Variants in NKAIN2 observed in about 807,000 individuals in gnomAD.
NKAIN2 encodes the protein sodium/potassium transporting ATPase interacting 2, also known as sodium/potassium-transporting ATPase subunit beta-1-interacting protein 2.
Under a neutral mutation model 32.6 loss-of-function variants are expected in NKAIN2, and 14 were observed. The ratio of observed to expected loss-of-function variants is 0.43; its 90% CI spans 0.28 to 0.67. The LOEUF (loss-of-function observed/expected upper bound fraction) is 0.67. Ranked by LOEUF, NKAIN2 falls within the 30% of genes least tolerant of loss-of-function variation. The probability of loss-of-function intolerance (pLI) is 0.17; values close to 1 mark genes in which losing one functional copy is unlikely to be tolerated. For synonymous variants in NKAIN2, 80 were observed against 87.2 expected, an observed-to-expected ratio of 0.92 and a Z score of 0.46; for missense variants, 198 against 258.3, an observed-to-expected ratio of 0.77 and a Z score of 1.60.
intron 3 of NKAIN2, among the ~76,000 whole-genome samples, chr6:124,387,556 G>A (rs12055404): frequency 0.36 from 54,709 of 151,828 alleles, 10,816 homozygotes; most frequent in South Asian, 0.53. Context: ...AAAATGATCC[G>A]CATGATAACC....
chr6:124,658,078 A>C (rs545729336), intron 3 of NKAIN2, 108 bp from the exon 4 acceptor site: 9 of 855,034 alleles, frequency 1.1e-5, no homozygotes, highest in African/African-American at 1.7e-5. Flanking sequence ...GAAAAAAAAA[A>C]CAAACAAACC....
chr6:124,248,729 G>A (rs1470528416), intron 1 of NKAIN2, among the ~76,000 whole-genome samples: 2 of 152,080 alleles, frequency 1.3e-5, no homozygotes, highest in East Asian at 3.9e-4. Context: ...CAATGCCACT[G>A]GGCATATATA....
chr6:124,422,426 C>G (rs1774797216), intron 3 of NKAIN2, among the ~76,000 whole-genome samples: 1 of 152,126 alleles, frequency 6.6e-6, no homozygotes, highest in Non-Finnish European at 1.5e-5. Context: ...TGCCTGCATG[C>G]CCTAACCATT....
intron 3 of NKAIN2, among the ~76,000 whole-genome samples, chr6:124,361,349 T>C (rs1203033258): frequency 6.6e-6 from 1 of 152,080 alleles, no homozygotes; most frequent in South Asian, 2.1e-4. Flanking sequence ...ATATTACTAT[T>C]TTCAGATATG....
intron 1 of NKAIN2, among the ~76,000 whole-genome samples, chr6:124,073,171 G>C (rs1783537394): frequency 1.3e-5 from 2 of 152,338 alleles, no homozygotes; most frequent in South Asian, 4.1e-4. Context: ...GATGGGCGGA[G>C]TTGTAACCTC....
At chr6:124,620,698 C>T (rs1783073184) in intron 3 of NKAIN2, among the ~76,000 whole-genome samples, 1 of 152,148 alleles carries the variant, frequency 6.6e-6, no homozygotes, top group African/African-American at 2.4e-5. Context: ...GAACACTAAG[C>T]TTTTTAACAG....
chr6:124,473,767 C>T (rs1276457723), intron 3 of NKAIN2, among the ~76,000 whole-genome samples: 3 of 152,116 alleles, frequency 2.0e-5, no homozygotes, highest in African/African-American at 7.2e-5. Context: ...GCTGATTCAC[C>T]ATCATCTCAC....
intron 1 of NKAIN2, among the ~76,000 whole-genome samples, chr6:124,165,318 A>T (rs2114470941): frequency 6.6e-6 from 1 of 152,204 alleles, no homozygotes; most frequent in African/African-American, 2.4e-5. Context: ...TGGGCTTAAT[A>T]AAATGTTGCT....
intron 1 of NKAIN2, among the ~76,000 whole-genome samples, chr6:123,945,753 T>G (rs1002487810): frequency 6.6e-6 from 1 of 152,174 alleles, no homozygotes; most frequent in African/African-American, 2.4e-5. Flanking sequence ...ACATAACAAT[T>G]GGATTTCTGA....
chr6:123,855,398 A>G (rs1022530501), intron 1 of NKAIN2, among the ~76,000 whole-genome samples: 1 of 152,246 alleles, frequency 6.6e-6, no homozygotes, highest in Non-Finnish European at 1.5e-5. Flanking sequence ...GATTCCGGAA[A>G]CTAATTTAAA....
At chr6:124,804,770 A>T (rs1780444360) in intron 5 of NKAIN2, among the ~76,000 whole-genome samples, 1 of 152,190 alleles carries the variant, frequency 6.6e-6, no homozygotes, top group Non-Finnish European at 1.5e-5. Context: ...GGCACCTGGA[A>T]AATCGGATCA....
chr6:124,757,092 A>G (rs940846970), intron 4 of NKAIN2, among the ~76,000 whole-genome samples: 15 of 103,012 alleles, frequency 1.5e-4, no homozygotes, highest in Admixed American at 3.7e-4. Flanking sequence ...CTTTTCTTCT[A>G]TTCCCTCCAC....
chr6:124,104,568 T>A (rs1331493804), intron 1 of NKAIN2, among the ~76,000 whole-genome samples: 1 of 152,196 alleles, frequency 6.6e-6, no homozygotes, highest in Non-Finnish European at 1.5e-5. Flanking sequence ...TATGTACACA[T>A]GAATGCAATA....
intron 3 of NKAIN2, among the ~76,000 whole-genome samples, chr6:124,464,866 A>G: frequency 6.6e-6 from 1 of 152,070 alleles, no homozygotes; most frequent in Non-Finnish European, 1.5e-5. Context: ...TTGGTTCCAT[A>G]TGAAATTTAA....
At chr6:124,722,557 C>T (rs1276378028) in intron 4 of NKAIN2, among the ~76,000 whole-genome samples, 1 of 152,184 alleles carries the variant, frequency 6.6e-6, no homozygotes, top group Non-Finnish European at 1.5e-5. Context: ...ACCTAGATCA[C>T]GTGCATCGCA....
chr6:124,146,018 G>A (rs1204243303), intron 1 of NKAIN2, among the ~76,000 whole-genome samples: 1 of 152,072 alleles, frequency 6.6e-6, no homozygotes, highest in Admixed American at 6.6e-5. Flanking sequence ...AGTAAAACTG[G>A]GAATTTGAAT....
At chr6:124,457,419 G>A (rs139982347) in intron 3 of NKAIN2, among the ~76,000 whole-genome samples, 111 of 152,006 alleles carry the variant, frequency 7.3e-4, no homozygotes, top group Non-Finnish European at 1.3e-3. Context: ...AAGCCTTCCC[G>A]AAGTCATAAA....
At chr6:124,016,254 A>T (rs1188361531) in intron 1 of NKAIN2, among the ~76,000 whole-genome samples, 1 of 152,176 alleles carries the variant, frequency 6.6e-6, no homozygotes, top group Admixed American at 6.5e-5. Context: ...AAAATTTTCA[A>T]AAAGAAACCT....
intron 4 of NKAIN2, among the ~76,000 whole-genome samples, chr6:124,703,542 G>T (rs1366957105): frequency 2.0e-5 from 3 of 151,846 alleles, no homozygotes; most frequent in Non-Finnish European, 2.9e-5. Context: ...TTAGTCTGTG[G>T]TACTGTAGAC....
Sources: allele counts gnomAD v4.1 joint callset (sites outside exome capture counted in the v4.1 genomes callset), GRCh38; gene constraint gnomAD v4.1.1; transcripts MANE v1.5; gene names NCBI Gene and HGNC (gene_info 2026-07-23, HGNC 2026-07-21).